LHFPL3: variants seen among roughly 807,000 people sequenced by gnomAD.
The protein encoded by LHFPL3 is LHFPL tetraspan subfamily member 3 protein.
In LHFPL3, 5 loss-of-function variants were observed where a neutral mutation model predicts 19.3. The observed-to-expected ratio is 0.26, with a 90% CI of 0.14 to 0.54. LHFPL3 has a LOEUF of 0.54. Ranked by LOEUF, LHFPL3 falls within the 20% of genes least tolerant of loss-of-function variation. The pLI is 0.94. For synonymous variants in LHFPL3, 133 were observed against 126.2 expected (o/e 1.05, Z -0.36); for missense variants, 249 against 307.4 (o/e 0.81, Z 1.42).
At chr7:104,614,680 C>CTTCCTTCCTTCCTTCA (rs767634683) in intron 1 of LHFPL3, among the ~76,000 whole-genome samples, 1 of 94,416 alleles carries the variant, frequency 1.1e-5, no homozygotes, top group Admixed American at 1.1e-4. Context: ...TCCTTCCTTC[C>CTTCCTTCCTTCCTTCA]TTCTTTCTTT....
At chr7:104,567,975 C>T (rs770474461) in intron 1 of LHFPL3, among the ~76,000 whole-genome samples, 3 of 152,148 alleles carry the variant, frequency 2.0e-5, no homozygotes, top group Non-Finnish European at 2.9e-5. Flanking sequence ...CTATGGCTAC[C>T]CAAGAGCTGT....
intron 1 of LHFPL3, among the ~76,000 whole-genome samples, chr7:104,553,839 A>G (rs1253041463): frequency 6.6e-6 from 1 of 152,176 alleles, no homozygotes; most frequent in Non-Finnish European, 1.5e-5. Flanking sequence ...GCCCAGAGGA[A>G]TCCTTCTTTT....
intron 1 of LHFPL3, among the ~76,000 whole-genome samples, chr7:104,440,756 G>C (rs73179939): frequency 0.062 from 9,459 of 152,020 alleles, 328 homozygotes; most frequent in Middle Eastern, 0.099. Flanking sequence ...AAGGAATGTT[G>C]GTTATCTACA....
rs1792416495 is a variant in LHFPL3, at chr7:104,668,850, C to T, written c.446-67825C>T. On this transcript the variant is annotated intron_variant, in intron 1 of 2. Coordinates refer to ENST00000424859, the MANE Select transcript of LHFPL3 (RefSeq NM_199000.3). ...GGAGGGGCAAAGCCTGTTGACACAGCTGCTAGAGAAAGAGAAGTAGAAGAA... is the reference window on the plus strand; with the variant it reads ...GGAGGGGCAAAGCCTGTTGACACAGTTGCTAGAGAAAGAGAAGTAGAAGAA... The T allele has an allele frequency of 1.3e-5, 21 of 1,611,878 alleles. No homozygotes were observed. In the South Asian group the frequency reaches 2.3e-4, roughly 18 times the overall value.
At position 104,409,808 on chromosome 7, in the gene LHFPL3, A is replaced by G. The variant is rs74318088; in HGVS notation, c.445+80584A>G. 3.9e-5 allele frequency among the ~76,000 whole-genome samples: 6 copies of G among 152,252 alleles called. No homozygotes were observed. The East Asian group carries it at 7.7e-4, about 20-fold the overall frequency. On this transcript the variant is annotated intron_variant, in intron 1 of 2. Coordinates refer to ENST00000424859, the MANE Select transcript of LHFPL3 (RefSeq NM_199000.3). ...TAAATCTTTGCTTGTGTGTCTGACA[A>G]TGTCTCTTGACTCCTAGAAATGGAA...
intron 1 of LHFPL3, among the ~76,000 whole-genome samples, chr7:104,584,629 C>T (rs951477402): frequency 6.6e-6 from 1 of 152,088 alleles, no homozygotes; most frequent in Non-Finnish European, 1.5e-5. Flanking sequence ...ATATATCAAA[C>T]TAGAAGACTA....
chr7:104,708,757 G>C (rs1199065237), intron 1 of LHFPL3, among the ~76,000 whole-genome samples: 1 of 151,926 alleles, frequency 6.6e-6, no homozygotes, highest in Non-Finnish European at 1.5e-5. Context: ...TAATGATCTG[G>C]GACTAAAAAT....
intron 1 of LHFPL3, among the ~76,000 whole-genome samples, chr7:104,659,111 C>A (rs766395056): frequency 4.6e-5 from 7 of 152,202 alleles, no homozygotes; most frequent in Non-Finnish European, 1.0e-4. Context: ...CCCACGGAAC[C>A]CCCTTCTTCT....
At chr7:104,673,728 G>A (rs548687547) in intron 1 of LHFPL3, among the ~76,000 whole-genome samples, 1 of 152,188 alleles carries the variant, frequency 6.6e-6, no homozygotes. Context: ...TTGCCCATGG[G>A]ATCTGATGGG....
At chr7:104,476,882 G>T (rs1793031432) in intron 1 of LHFPL3, among the ~76,000 whole-genome samples, 1 of 152,188 alleles carries the variant, frequency 6.6e-6, no homozygotes. Context: ...ACGTATCAGG[G>T]CAATATTAAC....
At chr7:104,811,196 TTTTCTTTTC>T (rs1215472692) in intron 2 of LHFPL3, among the ~76,000 whole-genome samples, 2 of 149,550 alleles carry the variant, frequency 1.3e-5, no homozygotes, top group Non-Finnish European at 1.5e-5. Context: ...TTTTCTTTTC[TTTTCTTTTC>T]TTTCTTTGAC....
chr7:104,410,490 G>A (rs1233999928), intron 1 of LHFPL3, among the ~76,000 whole-genome samples: 1 of 152,136 alleles, frequency 6.6e-6, no homozygotes, highest in African/African-American at 2.4e-5. Flanking sequence ...GGATTGCTGA[G>A]GATCTATTGG....
chr7:104,437,487 A>C (rs1394520544), intron 1 of LHFPL3, among the ~76,000 whole-genome samples: 1 of 152,130 alleles, frequency 6.6e-6, no homozygotes, highest in South Asian at 2.1e-4. Flanking sequence ...CCCCTTCCCC[A>C]CAGGTTAAGG....
intron 1 of LHFPL3, among the ~76,000 whole-genome samples, chr7:104,376,848 T>C (rs372104096): frequency 2.6e-5 from 4 of 152,338 alleles, no homozygotes; most frequent in African/African-American, 9.6e-5. Context: ...GACTTTTTTT[T>C]CTGGAAAATA....
intron 1 of LHFPL3, among the ~76,000 whole-genome samples, chr7:104,616,119 C>G (rs1399256191): frequency 2.6e-5 from 4 of 152,130 alleles, no homozygotes; most frequent in Non-Finnish European, 5.9e-5. Flanking sequence ...ACTTTCTTCA[C>G]AGAATTAGAA....
At position 104,721,487 on chromosome 7, in the gene LHFPL3, G is replaced by C. The variant is rs549163739; in HGVS notation, c.446-15188G>C. 1.2e-4 allele frequency among the ~76,000 whole-genome samples: 18 copies of C among 151,970 alleles called. No individual in the cohort carries two copies. In the East Asian group the frequency reaches 3.3e-3, roughly 28 times the overall value. On this transcript the variant is annotated intron_variant, in intron 1 of 2. Coordinates refer to ENST00000424859, the MANE Select transcript of LHFPL3 (RefSeq NM_199000.3). ...AAACCAACATGGCACATGTATACCT[G>C]TGTATCAAACCTGCACGTTGTGCAC...
At position 104,643,431 on chromosome 7, in the gene LHFPL3, A is replaced by AACT. The variant is rs150709752; in HGVS notation, c.446-93230_446-93228dup. Among the ~76,000 whole-genome samples the AACT allele has an allele frequency of 4.5e-3, 683 of 152,212 alleles. 40 individuals are homozygous for AACT. The East Asian group carries it at 0.11, about 24-fold the overall frequency. On this transcript the variant is annotated intron_variant, in intron 1 of 2. Transcript: ENST00000424859. ...CAGTATTATTCTTGTTGTTACTCTT[A>AACT]ACTACTACTACTACTAGCACAAGGA...
At chr7:104,387,757 C>T (rs531637143) in intron 1 of LHFPL3, among the ~76,000 whole-genome samples, 19 of 152,206 alleles carry the variant, frequency 1.2e-4, no homozygotes, top group Middle Eastern at 3.4e-3. Flanking sequence ...TCCACAACTA[C>T]GTACATTAGA....
intron 2 of LHFPL3, among the ~76,000 whole-genome samples, chr7:104,754,300 C>T (rs1245857767): frequency 6.6e-6 from 1 of 152,116 alleles, no homozygotes; most frequent in African/African-American, 2.4e-5. Context: ...ACCAAACAAC[C>T]ATCTTCACTG....
Sources: allele counts gnomAD v4.1 joint callset (sites outside exome capture counted in the v4.1 genomes callset), GRCh38; gene constraint gnomAD v4.1.1; transcripts MANE v1.5; gene names NCBI Gene and HGNC (gene_info 2026-07-23, HGNC 2026-07-21).